UBE3B: variants seen among roughly 807,000 people sequenced by gnomAD.
UBE3B encodes the protein ubiquitin protein ligase E3B.
Under a neutral mutation model 132.3 loss-of-function variants are expected in UBE3B, and 80 were observed. The ratio of observed to expected loss-of-function variants is 0.60; its 90% CI spans 0.50 to 0.73. The LOEUF is 0.73. Among genes scored for constraint, UBE3B ranks in the 30% least tolerant of loss-of-function variants. The pLI, the probability that UBE3B is intolerant of heterozygous loss-of-function variation, is 0.00. For missense variants in UBE3B, 1,196 were observed against 1,362.5 expected (o/e 0.88, Z 1.92); for synonymous variants, 487 against 520.4 (o/e 0.94, Z 0.87).
chr12:109,495,503 G>A (rs1338954954), intron 9 of UBE3B, among the ~76,000 whole-genome samples: 1 of 152,166 alleles, frequency 6.6e-6, no homozygotes, highest in Non-Finnish European at 1.5e-5. Context: ...CTTGGTCGGG[G>A]AGACCCTAAC....
Position 109,509,747 on chromosome 12 carries a change from G to A in UBE3B, c.1741+33G>A, listed in dbSNP as rs201190797. 1.6e-5 allele frequency: 23 copies of A among 1,453,284 alleles called. No homozygotes were observed. The African/African-American group carries it at 2.7e-4, about 17-fold the overall frequency. The allele number at this position is 1,453,284 out of a possible 1,614,324, so 90.0% of individuals were successfully genotyped here. A position where few individuals can be genotyped will look rare whatever the true frequency, so the allele number is the denominator to read the frequency against. On this transcript the variant is annotated intron_variant, in intron 16 of 27. Transcript: ENST00000342494. ...AAAAGGTGTCTGCTGTTGTTTGGTT[G>A]ATGCTGCACCCAGGGAGGCCGAAGA...
chr12:109,484,077 T>C (rs1213816852), intron 4 of UBE3B, 96 bp downstream of exon 4: 12 of 1,299,788 alleles, frequency 9.2e-6, no homozygotes, highest in Non-Finnish European at 1.3e-5. Context: ...CTTTATGAGG[T>C]AATTACTGTC....
At chr12:109,481,002 C>T (rs932218863) in intron 1 of UBE3B, among the ~76,000 whole-genome samples, 5 of 151,474 alleles carry the variant, frequency 3.3e-5, no homozygotes, top group African/African-American at 9.7e-5. Context: ...ATGTCAAACA[C>T]GCTGAGGCAG....
chr12:109,478,668 C>G (rs1874773394), intron 1 of UBE3B, among the ~76,000 whole-genome samples: 2 of 152,130 alleles, frequency 1.3e-5, no homozygotes, highest in Admixed American at 1.3e-4. Context: ...TTAATCCCAG[C>G]GACTTGGGAG....
downstream of UBE3B, among the ~76,000 whole-genome samples, chr12:109,537,569 G>A (rs1042961440): frequency 2.0e-5 from 3 of 152,192 alleles, no homozygotes; most frequent in African/African-American, 4.8e-5. Flanking sequence ...GCACGCAGGC[G>A]TCCTCACAAG....
chr12:109,477,784 G>A lies in UBE3B; in HGVS notation c.-453G>A, dbSNP rs989313485. ...ATAAAGGTCGGCCTGCGGGTAGGCC[G>A]GTAGGGCCTGCGGTCCGGCCTGCGG... On this transcript the variant is annotated 5_prime_UTR_variant, in exon 1 of 28. Coordinates refer to ENST00000342494, the MANE Select transcript of UBE3B (RefSeq NM_130466.4). The A allele has an allele frequency of 1.2e-5, 2 of 169,848 alleles. No homozygotes were observed. The highest frequency in any genetic ancestry group is 1.3e-4 in the Admixed American group (2 of 15,594). The allele number at this position is 169,848 out of a possible 1,614,324, so 10.5% of individuals were successfully genotyped here.
Position 109,534,891 on chromosome 12 carries a change from C to A in UBE3B, c.*109C>A. On this transcript the variant is annotated 3_prime_UTR_variant, in exon 28 of 28. Transcript: ENST00000342494. This position sits in a 1 kb window ranked among gnomAD's most constrained non-coding sequence, Gnocchi z 5.2. ...CCAACATGCCAGGTGACATTGGCCCCTAGACCCTCTCTATAGCCATGAGAC... is the reference window on the plus strand; with the variant it reads ...CCAACATGCCAGGTGACATTGGCCCATAGACCCTCTCTATAGCCATGAGAC... 1.1e-6 allele frequency: 1 copy of A among 943,832 alleles called. No homozygotes were observed. The allele number at this position is 943,832 out of a possible 1,614,324, so 58.5% of individuals were successfully genotyped here.
chr12:109,522,864 G>A lies in UBE3B; in HGVS notation c.2365-1114G>A, dbSNP rs1186262768. ...TCTGCATAATAGAAACAATTTCTCA[G>A]TTGATTTCCATTGAAAAAGTTAAAA... On this transcript the variant is annotated intron_variant, in intron 21 of 27. Transcript: ENST00000342494. This position sits in a 1 kb window ranked among gnomAD's most constrained non-coding sequence, Gnocchi z 4.2. Among the ~76,000 whole-genome samples the A allele has an allele frequency of 6.6e-6, 1 of 152,116 alleles. No individual in the cohort carries two copies.
rs546067614 is a variant in UBE3B, at chr12:109,510,464, C to T, written c.1856+6C>T. On this transcript the variant is annotated splice_donor_region_variant and intron_variant, in intron 17 of 27. Transcript: ENST00000342494. ...GAGGACCACTGGCTGCGAAAGTGAG[C>T]TCCAGGGGTGAGGAGGGCTCCATGG... 37 of 1,605,860 alleles carry T rather than the reference C, an allele frequency of 2.3e-5. No homozygotes were observed. In the South Asian group the frequency reaches 3.9e-4, roughly 17 times the overall value.
At position 109,481,410 on chromosome 12, in the gene UBE3B, T is replaced by TGTGTTGCTTCC; in HGVS notation, c.-127-227_-127-226insGTGTTGCTTCC. 1.3e-5 allele frequency among the ~76,000 whole-genome samples: 2 copies of TGTGTTGCTTCC among 152,192 alleles called. 1 individual carries two copies. Among genetic ancestry groups the TGTGTTGCTTCC allele is most frequent in the South Asian group, 4.1e-4 (2 of 4,834 alleles). On this transcript the variant is annotated intron_variant, in intron 1 of 27. Coordinates refer to ENST00000342494, the MANE Select transcript of UBE3B (RefSeq NM_130466.4). The stretch of plus-strand genomic sequence containing the variant: ...TTTTGCTTCCCATCACAGCTGTAAT[T>TGTGTTGCTTCC]CAACAACAACTTTGGGATTTATTTT...
Position 109,524,085 on chromosome 12 carries a change from C to G in UBE3B, c.2472C>G (p.Ser824=). ...SSVDELPSLD[S]EFYKNLTSIK... ...TGGATGAACTGCCTTCTCTGGACTC[C>G]GAGTTCTATAAAAACCTCACCTCCA... Residue 824 remains serine (S), a synonymous_variant, in exon 22 of 28, where the codon TCC becomes TCG. Coordinates refer to ENST00000342494, the MANE Select transcript of UBE3B (RefSeq NM_130466.4). 1.2e-6 allele frequency: 2 copies of G among 1,614,184 alleles called. No individual in the cohort carries two copies. The highest frequency in any genetic ancestry group is 2.2e-5 in the South Asian group (2 of 91,084).
chr12:109,480,231 A>G (rs1320049805), intron 1 of UBE3B, among the ~76,000 whole-genome samples: 1 of 151,392 alleles, frequency 6.6e-6, no homozygotes, highest in African/African-American at 2.4e-5. Context: ...AAAATAATAC[A>G]CCAGTTAGAC....
Position 109,524,444 on chromosome 12 carries a change from G to A in UBE3B, c.2509G>A (p.Asp837Asn). Residue 837 changes from aspartate to asparagine, a missense_variant, in exon 23 of 28, where the codon GAT (aspartate) becomes AAT (asparagine). Asp to Asn is a conservative substitution (Grantham distance 23). Coordinates refer to ENST00000342494, the MANE Select transcript of UBE3B (RefSeq NM_130466.4). Reference protein sequence around the residue: ...YKNLTSIKRYDGDITDLGLTL... With the variant: ...YKNLTSIKRYNGDITDLGLTL... ...CCCTTCTCTGTTACATTAGCGCTAT[G>A]ATGGGGACATCACTGACCTGGGCCT... 1.2e-6 allele frequency: 2 copies of A among 1,614,220 alleles called. No individual in the cohort carries two copies. The highest frequency in any genetic ancestry group is 1.7e-5 in the Admixed American group (1 of 60,032).
In UBE3B at chr12:109,521,414, G is replaced by C. The variant is rs779453997; in HGVS notation, c.2254-27G>C. ...GCTCCTTGCAAGGCACTTGACCTCT[G>C]CCTCTCCCCGTCTTTTTGCCTTGCA... On this transcript the variant is annotated intron_variant, in intron 20 of 27. Coordinates refer to ENST00000342494, the MANE Select transcript of UBE3B (RefSeq NM_130466.4). The surrounding 1 kb of genome is among the most constrained non-coding windows in gnomAD (Gnocchi z 4.2). 1.1e-4 allele frequency: 167 copies of C among 1,583,352 alleles called. No individual in the cohort carries two copies. The highest frequency in any genetic ancestry group is 1.4e-4 in the Non-Finnish European group (165 of 1,158,866).
chr12:109,480,979 A>G (rs1875292103), intron 1 of UBE3B, among the ~76,000 whole-genome samples: 1 of 151,866 alleles, frequency 6.6e-6, no homozygotes, highest in Non-Finnish European at 1.5e-5. Flanking sequence ...ACGTTTTTCC[A>G]TTATCATTAA....
chr12:109,493,404 G>T (rs1473652278), intron 9 of UBE3B, among the ~76,000 whole-genome samples: 1 of 152,156 alleles, frequency 6.6e-6, no homozygotes, highest in Non-Finnish European at 1.5e-5. Context: ...TCCCTCCCCT[G>T]TCCTGGTGTG....
chr12:109,498,325 A>G lies in UBE3B; in HGVS notation c.912A>G (p.Leu304=). ...QDRCRDVCES[L]EGCHTLCLMG... ...GATGCCGTGATGTATGTGAAAGTTT[A>G]GAAGGATGCCATACGCTTTGTCTAA... Residue 304 remains leucine, a synonymous_variant, in exon 11 of 28, where the codon TTA becomes TTG. Coordinates refer to ENST00000342494, the MANE Select transcript of UBE3B (RefSeq NM_130466.4). The G allele has an allele frequency of 6.2e-7, 1 of 1,614,160 alleles. No homozygotes were observed. The highest frequency in any genetic ancestry group is 2.2e-5 in the East Asian group (1 of 44,878).
At chr12:109,544,398 T>A in the UBE3B span, among the ~76,000 whole-genome samples, 6 of 150,686 alleles carry the variant, frequency 4.0e-5, no homozygotes, top group Admixed American at 2.0e-4. Context: ...GCGGGGCTTC[T>A]CCATGAGGCC....
intron 6 of UBE3B, among the ~76,000 whole-genome samples, chr12:109,487,873 G>GGTCTCCAAGGTT (rs1365510200): frequency 2.0e-5 from 3 of 152,170 alleles, no homozygotes; most frequent in Non-Finnish European, 4.4e-5. Flanking sequence ...TGAACTCAGT[G>GGTCTCCAAGGTT]GTCTCCAAGG....
Sources: gnomAD v4.1 joint callset for allele counts (sites outside exome capture counted in the v4.1 genomes callset) on GRCh38, gnomAD v4.1.1 for gene constraint, Gnocchi (gnomAD v3.1) non-coding constraint, MANE v1.5 for transcripts, NCBI Gene and HGNC (gene_info 2026-07-23, HGNC 2026-07-21) for gene names.